Variants in CFAP299 observed in about 807,000 individuals in gnomAD.
The protein encoded by CFAP299 is cilia and flagella associated protein 299.
In CFAP299, 21 loss-of-function variants were observed where a neutral mutation model predicts 27.0. The ratio of observed to expected loss-of-function variants is 0.78; its 90% CI spans 0.55 to 1.12. The LOEUF (loss-of-function observed/expected upper bound fraction) is 1.12. Among genes scored for constraint, CFAP299 ranks in the 50% most tolerant of loss-of-function variants. The pLI, the probability that CFAP299 is intolerant of heterozygous loss-of-function variation, is 0.00. For synonymous variants in CFAP299, 104 were observed against 98.1 expected (o/e 1.06, Z -0.36); for missense variants, 310 against 276.6 (o/e 1.12, Z -0.86).
chr4:80,651,504 T>C (rs768044680), intron 3 of CFAP299, among the ~76,000 whole-genome samples: 1 of 151,612 alleles, frequency 6.6e-6, no homozygotes, highest in Non-Finnish European at 1.5e-5. Flanking sequence ...TAACTGAGAC[T>C]AGAGTTGTGC....
intron 3 of CFAP299, among the ~76,000 whole-genome samples, chr4:80,665,363 C>T (rs767187370): frequency 1.2e-4 from 18 of 152,134 alleles, no homozygotes; most frequent in Non-Finnish European, 2.5e-4. Flanking sequence ...TAGTCATTTG[C>T]TCTTGTCAAA....
At chr4:80,544,765 T>C (rs920454100) in intron 2 of CFAP299, among the ~76,000 whole-genome samples, 1 of 152,128 alleles carries the variant, frequency 6.6e-6, no homozygotes, top group African/African-American at 2.4e-5. Context: ...CACAATAATG[T>C]TGGAGGACTT....
chr4:80,597,983 G>A (rs769231059), intron 3 of CFAP299, among the ~76,000 whole-genome samples: 4 of 152,176 alleles, frequency 2.6e-5, no homozygotes, highest in East Asian at 1.9e-4. Flanking sequence ...CGCCGTACCC[G>A]TTCTGCAATT....
intron 2 of CFAP299, among the ~76,000 whole-genome samples, chr4:80,456,718 G>A (rs1275484020): frequency 6.6e-6 from 1 of 152,134 alleles, no homozygotes; most frequent in African/African-American, 2.4e-5. Context: ...GAGGGCAGTT[G>A]GATAACCATG....
upstream of CFAP299, among the ~76,000 whole-genome samples, chr4:80,332,197 T>A (rs1721966835): frequency 6.6e-6 from 1 of 152,182 alleles, no homozygotes. Context: ...CGTGGAGCAG[T>A]GCGTAAAAAC....
At chr4:80,466,655 A>G (rs1246461106) in intron 2 of CFAP299, among the ~76,000 whole-genome samples, 2 of 152,172 alleles carry the variant, frequency 1.3e-5, no homozygotes, top group East Asian at 3.9e-4. Context: ...AGCCAACTTT[A>G]GCCTACTCCA....
chr4:80,867,618 C>T (rs1732821303), intron 3 of CFAP299, among the ~76,000 whole-genome samples: 1 of 152,156 alleles, frequency 6.6e-6, no homozygotes, highest in African/African-American at 2.4e-5. Context: ...TTTCCCTTTC[C>T]TTGCAGATGG....
intron 2 of CFAP299, among the ~76,000 whole-genome samples, chr4:80,433,773 A>G (rs1368394865): frequency 1.3e-5 from 2 of 152,184 alleles, no homozygotes; most frequent in Admixed American, 1.3e-4. Context: ...ATACCCAATT[A>G]AAAATTATTT....
At chr4:80,388,715 A>G (rs1479360144) in intron 2 of CFAP299, 7 of 703,962 alleles carry the variant, frequency 9.9e-6, no homozygotes, top group East Asian at 2.6e-5. Flanking sequence ...CACCTGCACC[A>G]TCTTGGAGCC....
chr4:80,773,740 A>G (rs778023005), intron 3 of CFAP299, among the ~76,000 whole-genome samples: 23 of 152,014 alleles, frequency 1.5e-4, no homozygotes, highest in Non-Finnish European at 2.6e-4. Context: ...GTTTTAGAAT[A>G]TTTGGCCAGG....
At chr4:80,700,274 T>C (rs1415933350) in intron 3 of CFAP299, among the ~76,000 whole-genome samples, 1 of 152,176 alleles carries the variant, frequency 6.6e-6, no homozygotes, top group African/African-American at 2.4e-5. Context: ...TAGTAATTAC[T>C]TCATAGGACT....
At chr4:80,355,354 C>CTTTTTTTT (rs70944772) in intron 1 of CFAP299, among the ~76,000 whole-genome samples, 13 of 95,502 alleles carry the variant, frequency 1.4e-4, no homozygotes, top group Admixed American at 2.8e-4. Flanking sequence ...ATGTCCTTTG[C>CTTTTTTTT]TTTTTTTTTT....
chr4:80,365,860 G>A (rs1333007717), intron 2 of CFAP299, among the ~76,000 whole-genome samples: 1 of 152,202 alleles, frequency 6.6e-6, no homozygotes, highest in Non-Finnish European at 1.5e-5. Context: ...TTTTGTGTTT[G>A]AGGATCAAAG....
intron 2 of CFAP299, among the ~76,000 whole-genome samples, chr4:80,538,104 A>C (rs1017282811): frequency 1.3e-5 from 2 of 152,094 alleles, no homozygotes; most frequent in Non-Finnish European, 2.9e-5. Context: ...CATCGTAGCT[A>C]TTGTAACATA....
intron 4 of CFAP299, among the ~76,000 whole-genome samples, chr4:80,881,379 C>T (rs968454900): frequency 1.2e-4 from 18 of 152,198 alleles, no homozygotes; most frequent in African/African-American, 4.3e-4. Flanking sequence ...ATAACAAGCA[C>T]TGAATAACCA....
rs75138847 is a variant in CFAP299, at chr4:80,793,749, G to A, written c.334-76244G>A. Reference sequence around the variant, plus strand: ...GGATATGGGAAAAGGGAAATAAAATGAAGATATTTTCTTAGTACAAGTGTA... The same window carrying A: ...GGATATGGGAAAAGGGAAATAAAATAAAGATATTTTCTTAGTACAAGTGTA... On this transcript the variant is annotated intron_variant, in intron 3 of 5. Coordinates refer to ENST00000358105, the MANE Select transcript of CFAP299 (RefSeq NM_152770.3). Among the ~76,000 whole-genome samples the A allele has an allele frequency of 7.0e-3, 1,070 of 152,212 alleles. 7 individuals carry two copies. The highest frequency in any genetic ancestry group is 0.027 in the Middle Eastern group (8 of 294).
At chr4:80,347,307 T>C (rs1722781687) in intron 1 of CFAP299, among the ~76,000 whole-genome samples, 1 of 152,188 alleles carries the variant, frequency 6.6e-6, no homozygotes, top group Non-Finnish European at 1.5e-5. Flanking sequence ...CTTCTAACAC[T>C]ATGTTGAATA....
chr4:80,675,720 G>T (rs1435817196), intron 3 of CFAP299, among the ~76,000 whole-genome samples: 6 of 151,798 alleles, frequency 4.0e-5, no homozygotes, highest in African/African-American at 1.5e-4. Context: ...TATCCACTAT[G>T]TTTACCCACT....
intron 3 of CFAP299, among the ~76,000 whole-genome samples, chr4:80,781,014 T>C (rs1578117342): frequency 6.6e-6 from 1 of 151,980 alleles, no homozygotes; most frequent in East Asian, 1.9e-4. Context: ...CATAATTATA[T>C]GCTTCCTATA....
Sources: gnomAD v4.1 joint callset for allele counts (sites outside exome capture counted in the v4.1 genomes callset) on GRCh38, gnomAD v4.1.1 for gene constraint, MANE v1.5 for transcripts, NCBI Gene and HGNC (gene_info 2026-07-23, HGNC 2026-07-21) for gene names.